The following ADAMTS17 variants were observed in gnomAD, a reference collection of about 807,000 sequenced individuals.
ADAMTS17 encodes the protein A disintegrin and metalloproteinase with thrombospondin motifs 17.
Under a neutral mutation model 141.5 loss-of-function variants are expected in ADAMTS17, and 113 were observed. That is an observed-to-expected ratio of 0.80 (90% confidence interval 0.69 to 0.93). The LOEUF (loss-of-function observed/expected upper bound fraction) is 0.93. ADAMTS17 is among the 40% of genes least tolerant of loss of function. The pLI is 0.00. For missense variants in ADAMTS17, 1,659 were observed against 1,517.9 expected (o/e 1.09, Z -1.54); for synonymous variants, 768 against 630.6 (o/e 1.22, Z -3.27).
chr15:100,308,050 G>A (rs547928643), intron 3 of ADAMTS17, among the ~76,000 whole-genome samples: 1 of 152,278 alleles, frequency 6.6e-6, no homozygotes, highest in East Asian at 1.9e-4. Context: ...CTTTAAAACG[G>A]TAAGCTCATC....
At position 100,093,531 on chromosome 15, in the gene ADAMTS17, T is replaced by G. The variant is rs369122169; in HGVS notation, c.2137+2825A>C. 2.6e-4 allele frequency among the ~76,000 whole-genome samples: 39 copies of G among 152,170 alleles called. 1 individual carries two copies. Among genetic ancestry groups the G allele is most frequent in the East Asian group, 1.5e-3 (8 of 5,176 alleles). ...TCAGCTGCACTTGGCGTCACCAAGATGCCTCTTGACCTGGGGGCTTTCTAC... is the reference window on the plus strand; with the variant it reads ...TCAGCTGCACTTGGCGTCACCAAGAGGCCTCTTGACCTGGGGGCTTTCTAC... On this transcript the variant is annotated intron_variant, in intron 15 of 21. Coordinates refer to ENST00000268070, the MANE Select transcript of ADAMTS17 (RefSeq NM_139057.4).
chr15:100,017,805 T>C (rs1486679866), intron 18 of ADAMTS17, among the ~76,000 whole-genome samples: 2 of 152,200 alleles, frequency 1.3e-5, no homozygotes, highest in Non-Finnish European at 2.9e-5. Flanking sequence ...AGGTTCTAGA[T>C]TATCACCATC....
At chr15:100,210,588 CAGA>C (rs2041768188) in intron 7 of ADAMTS17, among the ~76,000 whole-genome samples, 1 of 152,218 alleles carries the variant, frequency 6.6e-6, no homozygotes, top group African/African-American at 2.4e-5. Context: ...CTGGCAGCCA[CAGA>C]AGGATTTCAA....
intron 18 of ADAMTS17, among the ~76,000 whole-genome samples, chr15:100,042,128 T>TTGCCCAGG (rs1339267432): frequency 5.3e-5 from 8 of 152,346 alleles, no homozygotes; most frequent in Admixed American, 1.3e-4. Flanking sequence ...CCTTACCCTG[T>TTGCCCAGG]TGCCCAGGTG....
chr15:100,146,654 G>A (rs916403395), intron 10 of ADAMTS17, among the ~76,000 whole-genome samples: 15 of 74,350 alleles, frequency 2.0e-4, no homozygotes, highest in African/African-American at 4.5e-4. Flanking sequence ...TCTGACTGCC[G>A]GTGAGCCAGG....
At chr15:100,143,288 T>C (rs11636020) in intron 10 of ADAMTS17, among the ~76,000 whole-genome samples, 141,134 of 152,254 alleles carry the variant, frequency 0.93, 66,296 homozygotes, top group East Asian at 1. Context: ...TGCATTGGGC[T>C]TTCTCACCCT....
chr15:100,141,140 T>A (rs2038628416), intron 10 of ADAMTS17, among the ~76,000 whole-genome samples: 1 of 152,232 alleles, frequency 6.6e-6, no homozygotes, highest in Admixed American at 6.5e-5. Context: ...GCTTACGGTT[T>A]GTCAAGAGTC....
chr15:100,192,752 T>C (rs1475339655), intron 8 of ADAMTS17, among the ~76,000 whole-genome samples: 1 of 152,154 alleles, frequency 6.6e-6, no homozygotes, highest in Admixed American at 6.5e-5. Context: ...GCTTCACACA[T>C]CTGGATAATG....
Position 100,096,365 on chromosome 15 carries a change from G to C in ADAMTS17, c.2128C>G (p.Arg710Gly), listed in dbSNP as rs750616515. The C allele has an allele frequency of 6.2e-7, 1 of 1,613,616 alleles. No homozygotes were observed. The highest frequency in any genetic ancestry group is 8.5e-7 in the Non-Finnish European group (1 of 1,180,034). The change falls in exon 15 of 22, where the codon CGG (arginine) becomes GGG (glycine). Residue 710 changes from arginine (R) to glycine (G), a missense_variant. By Grantham distance (125) the Arg-to-Gly change is moderately radical. Coordinates refer to ENST00000268070, the MANE Select transcript of ADAMTS17 (RefSeq NM_139057.4). ...HLVKGDFSHA[R>G]GTALKDSGKG... ...ATGGGCCAACACTCACCTGTCCCCC[G>C]GGCGTGGCTGAAGTCGCCCTTCACC... is the stretch of plus-strand genomic sequence containing the variant.
chr15:100,040,772 C>T (rs144223959), intron 18 of ADAMTS17, among the ~76,000 whole-genome samples: 23 of 151,634 alleles, frequency 1.5e-4, no homozygotes, highest in African/African-American at 5.6e-4. Context: ...TAAAACTTAA[C>T]ATTTAATTTA....
chr15:99,986,987 T>C (rs1306758375), intron 20 of ADAMTS17, among the ~76,000 whole-genome samples: 1 of 152,156 alleles, frequency 6.6e-6, no homozygotes, highest in Non-Finnish European at 1.5e-5. Flanking sequence ...TGGTTAGGGT[T>C]TGGCTGCTGG....
intron 21 of ADAMTS17, 67 bp from the exon 22 acceptor site, chr15:99,974,629 G>A: frequency 1.2e-6 from 2 of 1,601,374 alleles, no homozygotes. Flanking sequence ...TGCAGGCACA[G>A]GGAGGGCTTG....
chr15:100,222,113 T>A (rs2042152352), intron 7 of ADAMTS17, among the ~76,000 whole-genome samples: 1 of 152,348 alleles, frequency 6.6e-6, no homozygotes, highest in Non-Finnish European at 1.5e-5. Flanking sequence ...CGGGATCAGC[T>A]GCAACCCAGC....
intron 18 of ADAMTS17, among the ~76,000 whole-genome samples, chr15:99,999,362 TG>T (rs35320326): frequency 6.6e-6 from 1 of 151,488 alleles, no homozygotes; most frequent in Non-Finnish European, 1.5e-5. Flanking sequence ...AGGGAGTGGG[TG>T]GGGGTGTTAT....
intron 8 of ADAMTS17, among the ~76,000 whole-genome samples, chr15:100,186,883 A>C (rs1384580236): frequency 6.6e-6 from 1 of 152,206 alleles, no homozygotes; most frequent in Non-Finnish European, 1.5e-5. Flanking sequence ...AAGCAATATT[A>C]ATATCGTAAG....
intron 10 of ADAMTS17, among the ~76,000 whole-genome samples, chr15:100,149,896 C>A (rs558520280): frequency 2.0e-5 from 3 of 152,328 alleles, no homozygotes; most frequent in Admixed American, 1.3e-4. Flanking sequence ...GTCACTGCTA[C>A]CCCACAGTCA....
intron 18 of ADAMTS17, among the ~76,000 whole-genome samples, chr15:100,008,647 G>A (rs181548287): frequency 2.0e-5 from 3 of 152,352 alleles, no homozygotes; most frequent in Admixed American, 2.0e-4. Flanking sequence ...AGCCTGAAGA[G>A]TGATCTCGTC....
intron 14 of ADAMTS17, among the ~76,000 whole-genome samples, chr15:100,097,760 C>G (rs888011048): frequency 6.6e-6 from 1 of 152,262 alleles, no homozygotes; most frequent in Non-Finnish European, 1.5e-5. Context: ...CCAGGAGATG[C>G]TGAGGCTGCT....
intron 2 of ADAMTS17, among the ~76,000 whole-genome samples, chr15:100,334,714 G>T (rs370044051): frequency 2.0e-5 from 3 of 152,270 alleles, no homozygotes; most frequent in South Asian, 4.1e-4. Context: ...CCCCTCCCCC[G>T]GTCCCGCCGC....
Sources: gnomAD v4.1 joint callset for allele counts (sites outside exome capture counted in the v4.1 genomes callset) on GRCh38, gnomAD v4.1.1 for gene constraint, MANE v1.5 for transcripts, NCBI Gene and HGNC (gene_info 2026-07-23, HGNC 2026-07-21) for gene names.